Variants in TENM3 observed in about 807,000 individuals in gnomAD.
The protein encoded by TENM3 is teneurin transmembrane protein 3.
Under a neutral mutation model 255.1 loss-of-function variants are expected in TENM3, and 63 were observed. That is an observed-to-expected ratio of 0.25 (90% confidence interval 0.20 to 0.30). TENM3 has a LOEUF of 0.30. Ranked by LOEUF, TENM3 falls within the 10% of genes least tolerant of loss-of-function variation. TENM3 has a pLI of 1.00. For synonymous variants in TENM3, 1,306 were observed against 1,322.3 expected (o/e 0.99, Z 0.27); for missense variants, 2,929 against 3,461.1 (o/e 0.85, Z 3.86).
the TENM3 span, among the ~76,000 whole-genome samples, chr4:181,915,348 A>T: frequency 5.9e-5 from 9 of 152,184 alleles, no homozygotes. Context: ...TAGATACTTT[A>T]TTTCACAAAT....
the TENM3 span, among the ~76,000 whole-genome samples, chr4:181,774,984 G>A: frequency 7.4e-6 from 1 of 135,650 alleles, no homozygotes; most frequent in African/African-American, 3.3e-5. Flanking sequence ...TCACTCTGAT[G>A]GTAGTTTCTT....
At chr4:182,572,229 T>C (rs1744459507) in intron 3 of TENM3, among the ~76,000 whole-genome samples, 1 of 152,194 alleles carries the variant, frequency 6.6e-6, no homozygotes, top group Non-Finnish European at 1.5e-5. Flanking sequence ...AACAGAGACT[T>C]TGTACTGATT....
At chr4:181,539,747 A>G in the TENM3 span, among the ~76,000 whole-genome samples, 111 of 152,318 alleles carry the variant, frequency 7.3e-4, no homozygotes, top group African/African-American at 2.5e-3. Context: ...TTTTCTTTCC[A>G]TAATCCTAGA....
the TENM3 span, among the ~76,000 whole-genome samples, chr4:182,070,255 T>A: frequency 6.6e-6 from 1 of 152,332 alleles, no homozygotes; most frequent in South Asian, 2.1e-4. Flanking sequence ...AGCATCTTAC[T>A]TATTTTTGCA....
chr4:182,783,569 G>A (rs866120062), intron 24 of TENM3, among the ~76,000 whole-genome samples: 52 of 149,874 alleles, frequency 3.5e-4, no homozygotes, highest in Middle Eastern at 3.4e-3. Flanking sequence ...TCTTTGTGGC[G>A]TTCTCTGTAT....
chr4:182,316,358 A>AT (rs909316212), intron 1 of TENM3, among the ~76,000 whole-genome samples: 42 of 147,602 alleles, frequency 2.8e-4, no homozygotes, highest in South Asian at 6.4e-4. Flanking sequence ...TGAAGTATGA[A>AT]TTTTTTTTTT....
intron 1 of TENM3, among the ~76,000 whole-genome samples, chr4:182,160,389 T>C (rs181666585): frequency 6.6e-6 from 1 of 152,338 alleles, no homozygotes; most frequent in Non-Finnish European, 1.5e-5. Flanking sequence ...ATATTCTATT[T>C]AAAGATTTAG....
chr4:181,670,761 A>C, the TENM3 span, among the ~76,000 whole-genome samples: 28 of 152,300 alleles, frequency 1.8e-4, no homozygotes, highest in Middle Eastern at 0.017. Context: ...AGGAACCCAG[A>C]ATTTAAATGA....
chr4:181,657,814 AC>A, the TENM3 span, among the ~76,000 whole-genome samples: 6 of 145,922 alleles, frequency 4.1e-5, no homozygotes, highest in Admixed American at 4.1e-4. Context: ...AAAAAAAAAA[AC>A]AAATCTATGT....
chr4:181,794,369 C>T, the TENM3 span, among the ~76,000 whole-genome samples: 4 of 151,928 alleles, frequency 2.6e-5, no homozygotes, highest in Non-Finnish European at 4.4e-5. Flanking sequence ...AGTCACCACG[C>T]TGTGCATTAG....
chr4:182,743,460 C>A (rs531161952), intron 19 of TENM3, 41 bp downstream of exon 19: 201 of 1,596,328 alleles, frequency 1.3e-4, no homozygotes, highest in Admixed American at 4.4e-4. Context: ...CAAAGCTAAA[C>A]GTGCCTCTTT....
At chr4:182,039,697 T>C in the TENM3 span, among the ~76,000 whole-genome samples, 1 of 151,724 alleles carries the variant, frequency 6.6e-6, no homozygotes, top group Non-Finnish European at 1.5e-5. Context: ...ACTGATATGA[T>C]CATGAAGAAA....
the TENM3 span, among the ~76,000 whole-genome samples, chr4:181,897,973 A>G: frequency 2.0e-5 from 3 of 152,214 alleles, no homozygotes; most frequent in Non-Finnish European, 4.4e-5. Context: ...CTGCCATCGC[A>G]TTAGAGCAAT....
chr4:181,817,192 T>C, the TENM3 span, among the ~76,000 whole-genome samples: 5 of 152,226 alleles, frequency 3.3e-5, no homozygotes, highest in African/African-American at 1.2e-4. Context: ...AAATTGAATA[T>C]TGAGCACCTT....
chr4:182,251,847 T>C (rs1021342693), intron 1 of TENM3, among the ~76,000 whole-genome samples: 5 of 152,212 alleles, frequency 3.3e-5, no homozygotes, highest in Admixed American at 6.5e-5. Context: ...TGGGTTACTT[T>C]ATTCATTTCA....
the TENM3 span, among the ~76,000 whole-genome samples, chr4:181,807,683 A>G: frequency 1.3e-5 from 2 of 152,184 alleles, no homozygotes. Flanking sequence ...CATATCTTCC[A>G]GTATAGGATT....
Position 182,799,024 on chromosome 4 carries a change from C to T in TENM3, c.7345-572C>T, listed in dbSNP as rs1766699294. 6.6e-6 allele frequency among the ~76,000 whole-genome samples: 1 copy of T among 152,208 alleles called. No homozygotes were observed. The highest frequency in any genetic ancestry group is 2.4e-5 in the African/African-American group (1 of 41,456). On this transcript the variant is annotated intron_variant, in intron 27 of 27. Coordinates refer to ENST00000511685, the MANE Select transcript of TENM3 (RefSeq NM_001080477.4). The surrounding 1 kb of genome is among the most constrained non-coding windows in gnomAD (Gnocchi z 4.2). ...AAGTAACAAATATCGTCTCCAGCTGCCCCACCTTCCACTCATCCCTGTACA... is the reference window on the plus strand; with the variant it reads ...AAGTAACAAATATCGTCTCCAGCTGTCCCACCTTCCACTCATCCCTGTACA...
the TENM3 span, among the ~76,000 whole-genome samples, chr4:181,463,707 G>A: frequency 0.11 from 16,010 of 152,126 alleles, 990 homozygotes; most frequent in East Asian, 0.15. Flanking sequence ...ATGGTGGTTA[G>A]CATTTCCACA....
chr4:182,749,991 A>AAGC (rs145550571), intron 19 of TENM3, among the ~76,000 whole-genome samples: 9 of 151,840 alleles, frequency 5.9e-5, no homozygotes, highest in Non-Finnish European at 5.9e-5. Flanking sequence ...AGGAAAAAAA[A>AAGC]AAAACCTCTA....
Sources: gnomAD v4.1 joint callset for allele counts (sites outside exome capture counted in the v4.1 genomes callset) on GRCh38, gnomAD v4.1.1 for gene constraint, Gnocchi (gnomAD v3.1) non-coding constraint, MANE v1.5 for transcripts, NCBI Gene and HGNC (gene_info 2026-07-23, HGNC 2026-07-21) for gene names.